ADAMTSL1: variants seen among roughly 807,000 people sequenced by gnomAD.
ADAMTSL1 encodes the protein ADAMTS like 1.
A neutral mutation model predicts 201.8 loss-of-function variants in ADAMTSL1; 126 were observed. That is an observed-to-expected ratio of 0.62 (90% CI 0.54 to 0.72). The LOEUF (loss-of-function observed/expected upper bound fraction) is 0.72. Ranked by LOEUF, ADAMTSL1 falls within the 30% of genes least tolerant of loss-of-function variation. The probability of loss-of-function intolerance (pLI) is 0.00; values close to 1 mark genes in which losing one functional copy is unlikely to be tolerated. For missense variants in ADAMTSL1, 2,679 were observed against 2,277.8 expected (o/e 1.18, Z -3.59); for synonymous variants, 1,121 against 903.4 (o/e 1.24, Z -4.32).
At chr9:18,684,495 A>G (rs1830704919) in intron 12 of ADAMTSL1, among the ~76,000 whole-genome samples, 2 of 152,244 alleles carry the variant, frequency 1.3e-5, no homozygotes, top group African/African-American at 4.8e-5. Flanking sequence ...GCTATTCATC[A>G]TAATAAAGAG....
chr9:17,943,102 T>A (rs1827309063), intron 1 of ADAMTSL1, among the ~76,000 whole-genome samples: 1 of 152,042 alleles, frequency 6.6e-6, no homozygotes, highest in Admixed American at 6.6e-5. Context: ...CTTTCTTTTC[T>A]TTTCTCTCTT....
chr9:18,731,250 G>T (rs1818200168), intron 15 of ADAMTSL1, among the ~76,000 whole-genome samples: 1 of 152,204 alleles, frequency 6.6e-6, no homozygotes, highest in Non-Finnish European at 1.5e-5. Flanking sequence ...ACAGATGTTG[G>T]CTTTCTCACT....
chr9:18,639,863 C>T (rs762429146), intron 7 of ADAMTSL1, among the ~76,000 whole-genome samples: 16 of 152,122 alleles, frequency 1.1e-4, no homozygotes, highest in Non-Finnish European at 2.1e-4. Context: ...AAGTTGTTTC[C>T]TTCTATCAGA....
chr9:18,720,299 G>A (rs74558293), intron 14 of ADAMTSL1, among the ~76,000 whole-genome samples: 2,319 of 152,240 alleles, frequency 0.015, 18 homozygotes, highest in Middle Eastern at 0.031. Flanking sequence ...TTCCCAGCCT[G>A]TTTTCTTATC....
intron 2 of ADAMTSL1, among the ~76,000 whole-genome samples, chr9:18,404,370 T>C (rs1211482015): frequency 6.6e-6 from 1 of 152,190 alleles, no homozygotes; most frequent in East Asian, 1.9e-4. Flanking sequence ...ATTTTATGAA[T>C]ATTTGAATCT....
At chr9:18,415,983 G>C (rs1818657170) in intron 2 of ADAMTSL1, among the ~76,000 whole-genome samples, 1 of 151,942 alleles carries the variant, frequency 6.6e-6, no homozygotes, top group South Asian at 2.1e-4. Flanking sequence ...TGAAACAAAA[G>C]CTTTTTCAGA....
In ADAMTSL1 at chr9:18,509,190, C is replaced by CAAAAAAAAAAAAAAA. The variant is rs57922962; in HGVS notation, c.191+4262_191+4276dup. On this transcript the variant is annotated intron_variant, in intron 2 of 28. Coordinates refer to ENST00000380548, the MANE Select transcript of ADAMTSL1 (RefSeq NM_001040272.6). ...TGGGCGACAGAGCGAGACTCCGTCT[C>CAAAAAAAAAAAAAAA]AAAAAAAAAAAAAAAAAAAAAAAAA... Among the ~76,000 whole-genome samples, 5 of 20,452 alleles carry CAAAAAAAAAAAAAAA rather than the reference C, an allele frequency of 2.4e-4. 1 individual carries two copies. Among genetic ancestry groups the CAAAAAAAAAAAAAAA allele is most frequent in the Non-Finnish European group, 3.6e-4 (5 of 13,740 alleles). 13.4% of individuals were successfully genotyped at this position (20,452 alleles called of 152,430 possible).
At chr9:17,926,152 T>C (rs549373261) in intron 1 of ADAMTSL1, among the ~76,000 whole-genome samples, 1 of 152,316 alleles carries the variant, frequency 6.6e-6, no homozygotes, top group South Asian at 2.1e-4. Flanking sequence ...ATCATTGTCA[T>C]ACTGCTTGTA....
At chr9:18,125,854 T>C (rs1394368104) in intron 1 of ADAMTSL1, among the ~76,000 whole-genome samples, 1 of 152,216 alleles carries the variant, frequency 6.6e-6, no homozygotes, top group Non-Finnish European at 1.5e-5. Context: ...CCACGGACTC[T>C]GACAACAGGA....
At chr9:18,435,969 C>A (rs1438186651) in intron 2 of ADAMTSL1, among the ~76,000 whole-genome samples, 1 of 152,298 alleles carries the variant, frequency 6.6e-6, no homozygotes, top group East Asian at 1.9e-4. Flanking sequence ...GGAGCCAAAC[C>A]ATATCATGCA....
In ADAMTSL1 at chr9:18,906,722, G is replaced by A; in HGVS notation, c.4992G>A (p.Glu1664=). Residue 1664 remains glutamate (E), a synonymous_variant, in exon 28 of 29, where the codon GAG becomes GAA. Transcript: ENST00000380548. ...RPVSTQNCWS[E]ACSVHWRVSL... ...TGAGCACCCAGAACTGCTGGTCAGAGGCCTGCAGTGTACACTGGAGAGTCA... is the reference window on the plus strand; with the variant it reads ...TGAGCACCCAGAACTGCTGGTCAGAAGCCTGCAGTGTACACTGGAGAGTCA... 1.9e-6 allele frequency: 3 copies of A among 1,610,142 alleles called. No homozygotes were observed. Among genetic ancestry groups the A allele is most frequent in the Non-Finnish European group, 2.5e-6 (3 of 1,178,086 alleles).
intron 2 of ADAMTSL1, among the ~76,000 whole-genome samples, chr9:18,325,569 A>G (rs1834797858): frequency 6.6e-6 from 1 of 152,224 alleles, no homozygotes. Context: ...AGACTGAGTA[A>G]TTTAAAAAGA....
intron 12 of ADAMTSL1, among the ~76,000 whole-genome samples, chr9:18,682,486 A>T (rs1352941361): frequency 6.6e-6 from 1 of 152,214 alleles, no homozygotes; most frequent in African/African-American, 2.4e-5. Flanking sequence ...AGATATTGCA[A>T]TAATTTATAA....
chr9:18,169,804 G>C (rs58171562), intron 2 of ADAMTSL1, among the ~76,000 whole-genome samples: 5,121 of 152,128 alleles, frequency 0.034, 297 homozygotes, highest in African/African-American at 0.12. Flanking sequence ...ATTTCATTGA[G>C]CAGTGGTTTG....
chr9:18,886,245 T>G (rs952469466), intron 23 of ADAMTSL1, among the ~76,000 whole-genome samples: 1 of 145,358 alleles, frequency 6.9e-6, no homozygotes, highest in African/African-American at 2.5e-5. Context: ...TACAAGTATA[T>G]ACATACATAC....
At chr9:18,135,126 T>A (rs1826106218) in intron 1 of ADAMTSL1, among the ~76,000 whole-genome samples, 1 of 152,196 alleles carries the variant, frequency 6.6e-6, no homozygotes, top group African/African-American at 2.4e-5. Context: ...TTTCAGTATT[T>A]GTAATTATAA....
chr9:18,815,425 C>G (rs1431982675), intron 20 of ADAMTSL1, among the ~76,000 whole-genome samples: 1 of 151,216 alleles, frequency 6.6e-6, no homozygotes, highest in Non-Finnish European at 1.5e-5. Context: ...TGGCTCATGC[C>G]TGTAATCCCA....
intron 5 of ADAMTSL1, chr9:18,622,608 A>G (rs1826107739): frequency 6.7e-6 from 4 of 595,416 alleles, no homozygotes; most frequent in South Asian, 6.4e-5. Flanking sequence ...TGAACCAGAC[A>G]TGGGGCTACA....
intron 2 of ADAMTSL1, among the ~76,000 whole-genome samples, chr9:18,247,431 C>G (rs928349036): frequency 6.6e-6 from 1 of 152,110 alleles, no homozygotes; most frequent in Non-Finnish European, 1.5e-5. Flanking sequence ...ATATTCAGAG[C>G]TAATGTTCCA....
Sources: allele counts gnomAD v4.1 joint callset (sites outside exome capture counted in the v4.1 genomes callset), GRCh38; gene constraint gnomAD v4.1.1; transcripts MANE v1.5; gene names NCBI Gene and HGNC (gene_info 2026-07-23, HGNC 2026-07-21).